The following ADARB2 variants were observed in gnomAD, a reference collection of about 807,000 sequenced individuals.
The protein encoded by ADARB2 is adenosine deaminase RNA specific B2 (inactive).
A neutral mutation model predicts 62.2 loss-of-function variants in ADARB2; 25 were observed. That is an observed-to-expected ratio of 0.40 (90% CI 0.29 to 0.56). The LOEUF (loss-of-function observed/expected upper bound fraction) is 0.56. Ranked by LOEUF, ADARB2 falls within the 20% of genes least tolerant of loss-of-function variation. ADARB2 has a pLI of 0.43. For synonymous variants in ADARB2, 572 were observed against 500.8 expected, an observed-to-expected ratio of 1.14 and a Z score of -1.90; for missense variants, 1,071 against 1,077.4, an observed-to-expected ratio of 0.99 and a Z score of 0.08.
chr10:1,575,708 C>A (rs1833001606), intron 1 of ADARB2, among the ~76,000 whole-genome samples: 1 of 152,228 alleles, frequency 6.6e-6, no homozygotes, highest in South Asian at 2.1e-4. Flanking sequence ...AGCTGGGGGA[C>A]TCTGTGGGAT....
chr10:1,232,259 G>A (rs1335876585), intron 6 of ADARB2, among the ~76,000 whole-genome samples: 1 of 152,120 alleles, frequency 6.6e-6, no homozygotes, highest in East Asian at 1.9e-4. Flanking sequence ...AGCTGCTTCT[G>A]GAAAGGGTGT....
intron 1 of ADARB2, among the ~76,000 whole-genome samples, chr10:1,594,058 G>A (rs1833301156): frequency 6.6e-6 from 1 of 152,150 alleles, no homozygotes; most frequent in Non-Finnish European, 1.5e-5. Flanking sequence ...TTGGGAGGCC[G>A]AGGCTGGTAG....
chr10:1,355,041 C>T (rs1381412790), intron 3 of ADARB2, among the ~76,000 whole-genome samples: 1 of 152,200 alleles, frequency 6.6e-6, no homozygotes, highest in East Asian at 1.9e-4. Flanking sequence ...CACGAGGCTC[C>T]CATGTGTTCA....
intron 4 of ADARB2, among the ~76,000 whole-genome samples, chr10:1,257,483 C>T (rs1409692351): frequency 6.6e-6 from 1 of 152,186 alleles, no homozygotes; most frequent in Non-Finnish European, 1.5e-5. Flanking sequence ...GGATCAGATG[C>T]CCATCCCCTC....
intron 1 of ADARB2, among the ~76,000 whole-genome samples, chr10:1,406,467 T>G (rs1003266369): frequency 2.0e-5 from 3 of 152,108 alleles, no homozygotes; most frequent in African/African-American, 7.2e-5. Flanking sequence ...GAGGATCACC[T>G]CCTAAAGTGT....
At chr10:1,701,889 G>A (rs1399988271) in intron 1 of ADARB2, among the ~76,000 whole-genome samples, 6 of 150,858 alleles carry the variant, frequency 4.0e-5, no homozygotes, top group African/African-American at 9.7e-5. Flanking sequence ...CCAGGCGCTC[G>A]CCAATACACT....
At chr10:1,505,533 C>T (rs1183946018) in intron 1 of ADARB2, among the ~76,000 whole-genome samples, 2 of 152,234 alleles carry the variant, frequency 1.3e-5, no homozygotes, top group African/African-American at 2.4e-5. Flanking sequence ...GGAAAACACT[C>T]GTTCTGCCTG....
intron 1 of ADARB2, among the ~76,000 whole-genome samples, chr10:1,676,825 T>A (rs902228870): frequency 6.6e-6 from 1 of 152,016 alleles, no homozygotes; most frequent in Non-Finnish European, 1.5e-5. Context: ...GGAAGTGAAG[T>A]GATGGTCACA....
At chr10:1,382,021 A>G (rs11596049) in intron 1 of ADARB2, among the ~76,000 whole-genome samples, 28,115 of 152,208 alleles carry the variant, frequency 0.18, 3,496 homozygotes, top group East Asian at 0.59. Flanking sequence ...AATGGTAACT[A>G]TGGCTGGTGA....
chr10:1,333,606 T>G (rs958006533), intron 3 of ADARB2, among the ~76,000 whole-genome samples: 1 of 152,146 alleles, frequency 6.6e-6, no homozygotes, highest in Non-Finnish European at 1.5e-5. Flanking sequence ...ATAGGCAAAG[T>G]GTGTATGTGT....
At chr10:1,362,502 G>C (rs1206664717) in intron 3 of ADARB2, among the ~76,000 whole-genome samples, 1 of 152,202 alleles carries the variant, frequency 6.6e-6, no homozygotes, top group African/African-American at 2.4e-5. Flanking sequence ...GCGCAGGAAG[G>C]AACCGGAGGG....
At chr10:1,497,873 T>A (rs1831712863) in intron 1 of ADARB2, among the ~76,000 whole-genome samples, 1 of 152,116 alleles carries the variant, frequency 6.6e-6, no homozygotes, top group South Asian at 2.1e-4. Flanking sequence ...TGGAGATGAC[T>A]TCCTGGAGGG....
intron 4 of ADARB2, among the ~76,000 whole-genome samples, chr10:1,244,975 G>T (rs1198843711): frequency 6.6e-6 from 1 of 152,236 alleles, no homozygotes; most frequent in Non-Finnish European, 1.5e-5. Context: ...GACGCCTTGA[G>T]TACCACCCTG....
intron 3 of ADARB2, among the ~76,000 whole-genome samples, chr10:1,321,976 G>A (rs1258027074): frequency 6.6e-6 from 1 of 152,014 alleles, no homozygotes; most frequent in Non-Finnish European, 1.5e-5. Context: ...TGAGGGATGA[G>A]AGCCACAGAA....
At chr10:1,663,259 G>T (rs76865800) in intron 1 of ADARB2, among the ~76,000 whole-genome samples, 2 of 152,162 alleles carry the variant, frequency 1.3e-5, no homozygotes, top group African/African-American at 4.8e-5. Context: ...ATCCATGTGC[G>T]CATTGATTAC....
At position 1,736,183 on chromosome 10, in the gene ADARB2, G is replaced by C. The variant is rs114431022; in HGVS notation, c.100+868C>G. ...TAACACAGGTTCCTCTAGGAGAGAAGGGTCGGCATGAGAAGAATCTTTTAA... is the reference window on the plus strand; with the variant it reads ...TAACACAGGTTCCTCTAGGAGAGAACGGTCGGCATGAGAAGAATCTTTTAA... On this transcript the variant is annotated intron_variant, in intron 1 of 9. Coordinates refer to ENST00000381312, the MANE Select transcript of ADARB2 (RefSeq NM_018702.4). Among the ~76,000 whole-genome samples the C allele has an allele frequency of 3.7e-3, 565 of 152,342 alleles. 5 individuals carry two copies. The highest frequency in any genetic ancestry group is 0.013 in the African/African-American group (551 of 41,576).
At chr10:1,302,031 T>A (rs1040754015) in intron 3 of ADARB2, among the ~76,000 whole-genome samples, 2 of 152,170 alleles carry the variant, frequency 1.3e-5, no homozygotes, top group African/African-American at 4.8e-5. Context: ...GGAGCCAAGA[T>A]GGCCGAATAG....
intron 1 of ADARB2, among the ~76,000 whole-genome samples, chr10:1,664,771 T>A (rs1834294032): frequency 6.6e-6 from 1 of 152,130 alleles, no homozygotes; most frequent in Admixed American, 6.5e-5. Context: ...TGCGGCTGAC[T>A]CTGGGGGCCC....
intron 3 of ADARB2, among the ~76,000 whole-genome samples, chr10:1,300,361 T>TCACACCACAC (rs141398147): frequency 1.3e-5 from 2 of 151,326 alleles, no homozygotes; most frequent in East Asian, 2.0e-4. Flanking sequence ...TCCCAGCCTC[T>TCACACCACAC]CACACCACAC....
Sources: allele counts gnomAD v4.1 joint callset (sites outside exome capture counted in the v4.1 genomes callset), GRCh38; gene constraint gnomAD v4.1.1; transcripts MANE v1.5; gene names NCBI Gene and HGNC (gene_info 2026-07-23, HGNC 2026-07-21).